Variants in NLRP2 observed in about 807,000 individuals in gnomAD.
NLRP2 encodes NLR family pyrin domain containing 2.
In NLRP2, 107 loss-of-function variants were observed where a neutral mutation model predicts 97.2. That is an observed-to-expected ratio of 1.10 (90% confidence interval 0.94 to 1.29). The LOEUF (loss-of-function observed/expected upper bound fraction) is 1.29, where lower values mean the gene tolerates loss of function less well. Ranked by LOEUF, NLRP2 falls within the 50% of genes most tolerant of loss-of-function variation. The pLI is 0.00. For missense variants in NLRP2, 1,495 were observed against 1,330.3 expected (o/e 1.12, Z -1.93); for synonymous variants, 663 against 551.5 (o/e 1.20, Z -2.83).
Position 54,982,583 on chromosome 19 carries a change from C to G in NLRP2, c.885C>G (p.Ala295=), listed in dbSNP as rs369991898. 1 of 1,614,164 alleles carries G rather than the reference C, an allele frequency of 6.2e-7. No homozygotes were observed. Among genetic ancestry groups the G allele is most frequent in the Non-Finnish European group, 8.5e-7 (1 of 1,180,036 alleles). ...FVIDGFDELG[A]APGALIEDIC... is the part of the protein sequence containing the mutation. Reference sequence around the variant, plus strand: ...TTGACGGCTTTGATGAGCTGGGAGCCGCACCTGGGGCGCTGATCGAGGACA... The same window carrying G: ...TTGACGGCTTTGATGAGCTGGGAGCGGCACCTGGGGCGCTGATCGAGGACA... Residue 295 remains alanine (A), a synonymous_variant, in exon 6 of 13, where the codon GCC becomes GCG. Transcript: ENST00000448584.
In NLRP2 at chr19:54,982,583, C is replaced by A. The variant is rs369991898; in HGVS notation, c.885C>A (p.Ala295=). The change falls in exon 6 of 13, where the codon GCC becomes GCA. Residue 295 remains alanine, a synonymous_variant. Coordinates refer to ENST00000448584, the MANE Select transcript of NLRP2 (RefSeq NM_017852.5). ...TTGACGGCTTTGATGAGCTGGGAGC[C>A]GCACCTGGGGCGCTGATCGAGGACA... is the stretch of plus-strand genomic sequence containing the variant. ...FVIDGFDELG[A]APGALIEDIC... 3 of 1,614,044 alleles carry A rather than the reference C, an allele frequency of 1.9e-6. No individual in the cohort carries two copies. The highest frequency in any genetic ancestry group is 3.3e-5 in the Admixed American group (2 of 59,990).
intron 11 of NLRP2, 38 bp downstream of exon 11, chr19:54,994,477 C>G: frequency 6.2e-7 from 1 of 1,602,242 alleles, no homozygotes. Flanking sequence ...TATACTTACA[C>G]CTTACTGAAT....
chr19:54,986,091 C>A, intron 7 of NLRP2, 60 bp from the exon 8 acceptor site: 7 of 1,131,366 alleles, frequency 6.2e-6, no homozygotes, highest in East Asian at 2.4e-5. Flanking sequence ...CCCTGGTTTC[C>A]ATTTAAGTAC....
intron 10 of NLRP2, chr19:54,994,063 C>T (rs893972876): frequency 1.5e-6 from 1 of 651,928 alleles, no homozygotes; most frequent in Non-Finnish European, 2.8e-6. Flanking sequence ...TCTACGAGGT[C>T]CCTTTTGCTC....
intron 8 of NLRP2, among the ~76,000 whole-genome samples, chr19:54,987,852 C>T (rs939192829): frequency 2.0e-5 from 3 of 151,704 alleles, no homozygotes; most frequent in African/African-American, 7.3e-5. Flanking sequence ...ACCAGCCTGG[C>T]CAACATGGTG....
At chr19:54,990,331 C>T in intron 9 of NLRP2, 139 bp downstream of exon 9, 2 of 1,146,298 alleles carry the variant, frequency 1.7e-6, no homozygotes, top group Non-Finnish European at 1.3e-6. Context: ...AGGCCGATGG[C>T]CTGTGAATTT....
intron 5 of NLRP2, among the ~76,000 whole-genome samples, 181 bp downstream of exon 5, chr19:54,981,863 C>T (rs2071598602): frequency 6.6e-6 from 1 of 152,092 alleles, no homozygotes; most frequent in South Asian, 2.1e-4. Context: ...ACTGCAACCT[C>T]CGCCTCCCAG....
Position 54,985,056 on chromosome 19 carries a change from T to TG in NLRP2, c.2041dup (p.Asp681GlyfsTer19). On this transcript the variant is annotated frameshift_variant, in exon 7 of 13. Coordinates refer to ENST00000448584, the MANE Select transcript of NLRP2 (RefSeq NM_017852.5). LOFTEE classifies it high-confidence loss of function. Reference sequence around the variant, plus strand: ...CTTCTCTTCCCTATAGATCCCAGGATGATCAGCACATGCTTCCTTTCTGGA... The same window carrying TG: ...CTTCTCTTCCCTATAGATCCCAGGATGGATCAGCACATGCTTCCTTTCTGGA... 6.2e-7 allele frequency: 1 copy of TG among 1,614,126 alleles called. No homozygotes were observed. Among genetic ancestry groups the TG allele is most frequent in the South Asian group, 1.1e-5 (1 of 91,092 alleles).
At chr19:54,979,656 TGAC>T (rs2071450466) in intron 4 of NLRP2, among the ~76,000 whole-genome samples, 1 of 151,476 alleles carries the variant, frequency 6.6e-6, no homozygotes, top group Non-Finnish European at 1.5e-5. Flanking sequence ...TAGCCCACAT[TGAC>T]TTTTGATACA....
intron 2 of NLRP2, 58 bp downstream of exon 2, chr19:54,970,353 C>A: frequency 6.2e-7 from 1 of 1,603,972 alleles, no homozygotes; most frequent in Non-Finnish European, 8.5e-7. Context: ...CTCTCCAGGA[C>A]TTTAGAAATT....
intron 6 of NLRP2, among the ~76,000 whole-genome samples, chr19:54,984,761 G>A (rs961514706): frequency 6.6e-6 from 1 of 151,950 alleles, no homozygotes; most frequent in Non-Finnish European, 1.5e-5. Flanking sequence ...AGGATTATAG[G>A]CGTGAGTCAC....
intron 12 of NLRP2, 148 bp from the exon 13 acceptor site, chr19:55,000,610 ATC>A (rs2073134246): frequency 1.4e-6 from 1 of 711,048 alleles, no homozygotes; most frequent in Non-Finnish European, 2.3e-6. Flanking sequence ...AAAAAAAAAA[ATC>A]AATGTGGAAC....
chr19:54,977,052 A>G (rs2071284220), intron 3 of NLRP2: 1 of 307,142 alleles, frequency 3.3e-6, no homozygotes, highest in African/African-American at 2.3e-5. Flanking sequence ...TGACCTCATG[A>G]TCCGCCTGCC....
At chr19:54,972,835 C>T (rs528524899) in intron 2 of NLRP2, among the ~76,000 whole-genome samples, 10 of 151,956 alleles carry the variant, frequency 6.6e-5, no homozygotes, top group Non-Finnish European at 1.5e-4. Context: ...AAAATGTGCC[C>T]GTTGGGTACC....
Position 54,990,654 on chromosome 19 carries a change from G to A in NLRP2, c.2690G>A (p.Cys897Tyr). The A allele has an allele frequency of 3.7e-6, 6 of 1,614,148 alleles. No homozygotes were observed. The highest frequency in any genetic ancestry group is 5.1e-6 in the Non-Finnish European group (6 of 1,180,028). Residue 897 changes from cysteine (C) to tyrosine (Y), a missense_variant, in exon 10 of 13, where the codon TGT (cysteine) becomes TAT (tyrosine). Transcript: ENST00000448584. ...FLCEGLRYPECKLQTLVLWNC... is the reference protein window; with the variant it reads ...FLCEGLRYPEYKLQTLVLWNC... The stretch of plus-strand genomic sequence containing the variant: ...TGTGAGGGCTTGAGGTACCCCGAGT[G>A]TAAACTGCAGACCTTGGTGTAAGTC...
chr19:54,984,483 A>ATTTTTTTTTTTTTTTTT (rs1568505832), intron 6 of NLRP2, among the ~76,000 whole-genome samples: 2 of 46,192 alleles, frequency 4.3e-5, no homozygotes, highest in African/African-American at 1.9e-4. Context: ...TATATTCCCA[A>ATTTTTTTTTTTTTTTTT]TCTTTTTTTT....
intron 1 of NLRP2, among the ~76,000 whole-genome samples, chr19:54,967,231 G>A (rs1282775365): frequency 6.6e-6 from 1 of 151,870 alleles, no homozygotes; most frequent in Non-Finnish European, 1.5e-5. Flanking sequence ...GCCTGTAATC[G>A]CAGCGCTTTG....
intron 4 of NLRP2, among the ~76,000 whole-genome samples, chr19:54,979,800 G>C (rs1416311225): frequency 6.6e-6 from 1 of 151,728 alleles, no homozygotes; most frequent in Non-Finnish European, 1.5e-5. Flanking sequence ...TTCTTGAGAT[G>C]GAGTCTCACT....
intron 6 of NLRP2, 63 bp from the exon 7 acceptor site, chr19:54,984,984 C>T: frequency 6.5e-7 from 1 of 1,539,036 alleles, no homozygotes; most frequent in South Asian, 1.1e-5. Flanking sequence ...CCCAGAGAAA[C>T]CCTAAATACT....
Sources: allele counts gnomAD v4.1 joint callset (sites outside exome capture counted in the v4.1 genomes callset), GRCh38; gene constraint gnomAD v4.1.1; transcripts MANE v1.5; gene names NCBI Gene and HGNC (gene_info 2026-07-23, HGNC 2026-07-21).